The following SH3KBP1 variants were observed in gnomAD, a reference collection of about 807,000 sequenced individuals.
SH3KBP1 encodes SH3 domain-containing kinase-binding protein 1.
Under a neutral mutation model 50.1 loss-of-function variants are expected in SH3KBP1, and 8 were observed. That is an observed-to-expected ratio of 0.16 (90% confidence interval 0.09 to 0.29). SH3KBP1 has a LOEUF of 0.29. Ranked by LOEUF, SH3KBP1 falls within the 10% of genes least tolerant of loss-of-function variation. The probability of loss-of-function intolerance (pLI) is 1.00; values close to 1 mark genes in which losing one functional copy is unlikely to be tolerated. For missense variants in SH3KBP1, 377 were observed against 535.2 expected (o/e 0.70, Z 2.92); for synonymous variants, 227 against 218.6 (o/e 1.04, Z -0.34).
At chrX:19,812,789 A>G (rs767735855) in intron 2 of SH3KBP1, among the ~76,000 whole-genome samples, 1 of 111,450 alleles carries the variant, frequency 9.0e-6, no homozygotes, top group East Asian at 2.8e-4. Flanking sequence ...AGCTTGGGCA[A>G]CATGGTGAAA....
At chrX:19,876,559 G>T (rs748532303) in intron 1 of SH3KBP1, among the ~76,000 whole-genome samples, 10 of 111,111 alleles carry the variant, frequency 9.0e-5, no homozygotes, top group South Asian at 7.6e-4. Context: ...ACATCTCCGG[G>T]GGGGAGAAAA....
chrX:19,844,941 G>A (rs1023206768), intron 1 of SH3KBP1, among the ~76,000 whole-genome samples: 9 of 110,946 alleles, frequency 8.1e-5, no homozygotes, highest in East Asian at 5.7e-4. Context: ...TTAGCCGGGC[G>A]TGGTGGCGGG....
In SH3KBP1 at chrX:19,780,258, T is replaced by C. The variant is rs1432154565; in HGVS notation, c.163-33817A>G. Among the ~76,000 whole-genome samples, 536 of 102,409 alleles carry C rather than the reference T, an allele frequency of 5.2e-3. 3 individuals are homozygous for C. The highest frequency in any genetic ancestry group is 0.018 in the African/African-American group (509 of 27,821). The allele number at this position is 102,409 out of a possible 115,157, so 88.9% of individuals were successfully genotyped here. On this transcript the variant is annotated intron_variant, in intron 2 of 17. Coordinates refer to ENST00000397821, the MANE Select transcript of SH3KBP1 (RefSeq NM_031892.3). ...ATGTCTTCTTTTGAGAAGTGTCTGT[T>C]CATGTCCTTCGCCCACTTTTTGATG...
intron 6 of SH3KBP1, chrX:19,664,785 C>T (rs765044110): frequency 5.4e-5 from 6 of 111,983 alleles, no homozygotes; most frequent in Non-Finnish European, 1.1e-4. Flanking sequence ...TTAGCCTCTT[C>T]TGAATTGAAA....
At chrX:19,736,819 C>T (rs2064592757) in intron 3 of SH3KBP1, among the ~76,000 whole-genome samples, 1 of 111,332 alleles carries the variant, frequency 9.0e-6, no homozygotes, top group Non-Finnish European at 1.9e-5. Flanking sequence ...GCCCCTTTTC[C>T]AGAGCTTACT....
Position 19,607,872 on chromosome X carries a change from T to C in SH3KBP1, c.1005+66A>G, listed in dbSNP as rs1286275058. The C allele has an allele frequency of 6.5e-6, 6 of 929,661 alleles. No individual in the cohort carries two copies. The East Asian group carries it at 1.2e-4, about 19-fold the overall frequency. The allele number at this position is 929,661 out of a possible 1,213,427, so 76.6% of individuals were successfully genotyped here. A position where few individuals can be genotyped will look rare whatever the true frequency, so the allele number is the denominator to read the frequency against. On this transcript the variant is annotated intron_variant, in intron 9 of 17. Coordinates refer to ENST00000397821, the MANE Select transcript of SH3KBP1 (RefSeq NM_031892.3). ...AGTGCTCTTCAACATTACACCAAAC[T>C]TCCCCCATCCCAAGTCCCAACATGG...
intron 1 of SH3KBP1, among the ~76,000 whole-genome samples, chrX:19,874,068 A>AAAAAAAAAAAAATAT (rs1491537486): frequency 1.8e-4 from 10 of 57,031 alleles, no homozygotes; most frequent in African/African-American, 1.4e-3. Flanking sequence ...AAAAAAAAAA[A>AAAAAAAAAAAAATAT]ATATATATAT....
At chrX:19,878,848 CAT>C (rs2069345889) in intron 1 of SH3KBP1, among the ~76,000 whole-genome samples, 1 of 112,524 alleles carries the variant, frequency 8.9e-6, no homozygotes, top group Non-Finnish European at 1.9e-5. Context: ...AATTTTGTTA[CAT>C]GTTTTAGCAT....
At chrX:19,671,395 C>T (rs868498438) in intron 6 of SH3KBP1, among the ~76,000 whole-genome samples, 8 of 109,201 alleles carry the variant, frequency 7.3e-5, no homozygotes, top group Non-Finnish European at 7.7e-5. Flanking sequence ...CACACACACA[C>T]ATACACACAC....
chrX:19,869,159 C>T (rs921025781), intron 1 of SH3KBP1, among the ~76,000 whole-genome samples: 1 of 112,054 alleles, frequency 8.9e-6, no homozygotes, highest in African/African-American at 3.2e-5. Flanking sequence ...CTCCAGAAGG[C>T]ACTCAGCCCT....
chrX:19,880,044 C>T (rs749571639), intron 1 of SH3KBP1, among the ~76,000 whole-genome samples: 1 of 112,898 alleles, frequency 8.9e-6, no homozygotes, highest in Non-Finnish European at 1.9e-5. Context: ...CCGCCACCAG[C>T]TGTGACAACC....
chrX:19,692,359 T>C (rs927866846), intron 5 of SH3KBP1, among the ~76,000 whole-genome samples: 1 of 110,604 alleles, frequency 9.0e-6, no homozygotes, highest in Non-Finnish European at 1.9e-5. Flanking sequence ...AAATGCCTCC[T>C]TATAGTAAAA....
At chrX:19,719,935 G>A (rs892157352) in intron 3 of SH3KBP1, among the ~76,000 whole-genome samples, 2 of 108,232 alleles carry the variant, frequency 1.8e-5, no homozygotes, top group Admixed American at 9.9e-5. Flanking sequence ...AGAGACAAAC[G>A]GCCCAACTCA....
chrX:19,863,819 C>T (rs2068837620), intron 1 of SH3KBP1, among the ~76,000 whole-genome samples: 1 of 111,964 alleles, frequency 8.9e-6, no homozygotes, highest in African/African-American at 3.2e-5. Context: ...ATTTGTTTAG[C>T]CCAGCGTCTA....
chrX:19,818,990 C>T (rs897353635), intron 2 of SH3KBP1, among the ~76,000 whole-genome samples: 1 of 111,800 alleles, frequency 8.9e-6, no homozygotes, highest in Non-Finnish European at 1.9e-5. Flanking sequence ...AGAATTGGTG[C>T]TAATTCTTTA....
chrX:19,778,065 G>A (rs1407763659), intron 2 of SH3KBP1, among the ~76,000 whole-genome samples: 1 of 111,582 alleles, frequency 9.0e-6, no homozygotes, highest in African/African-American at 3.3e-5. Context: ...AAAAGCTGGA[G>A]GAAACACTTC....
intron 4 of SH3KBP1, among the ~76,000 whole-genome samples, chrX:19,704,887 T>G: frequency 8.9e-6 from 1 of 112,733 alleles, no homozygotes; most frequent in Non-Finnish European, 1.9e-5. Flanking sequence ...AATACTGCTG[T>G]AATTAACACG....
rs1420389424 is a variant in SH3KBP1, at chrX:19,647,688, C to T, written c.727-2213G>A. Among the ~76,000 whole-genome samples, 3 of 111,458 alleles carry T rather than the reference C, an allele frequency of 2.7e-5. No individual in the cohort carries two copies. In the East Asian group the frequency reaches 8.4e-4, roughly 31 times the overall value. On this transcript the variant is annotated intron_variant, in intron 6 of 17. Coordinates refer to ENST00000397821, the MANE Select transcript of SH3KBP1 (RefSeq NM_031892.3). ...AAAAGTCTAGAATATGGCAAAGTTT[C>T]TCCCCATCTCAGCCTGTTCCTGCCA...
chrX:19,648,916 A>C (rs2062055263), intron 6 of SH3KBP1, among the ~76,000 whole-genome samples: 1 of 111,585 alleles, frequency 9.0e-6, no homozygotes, highest in Non-Finnish European at 1.9e-5. Flanking sequence ...TCTTTGGCTA[A>C]TTGGGCTTAA....
Sources: allele counts gnomAD v4.1 joint callset (sites outside exome capture counted in the v4.1 genomes callset), GRCh38; gene constraint gnomAD v4.1.1; transcripts MANE v1.5; gene names NCBI Gene and HGNC (gene_info 2026-07-23, HGNC 2026-07-21).